The following DYNC2H1 variants were observed in gnomAD, a reference collection of about 807,000 sequenced individuals.
DYNC2H1 encodes the protein dynein cytoplasmic 2 heavy chain 1.
DYNC2H1 carries 410 observed loss-of-function variants against 570.0 expected under a neutral mutation model. The observed-to-expected ratio is 0.72, with a 90% CI of 0.66 to 0.78. DYNC2H1 has a LOEUF of 0.78. Ranked by LOEUF, DYNC2H1 falls within the 30% of genes least tolerant of loss-of-function variation. The pLI is 0.00. For missense variants in DYNC2H1, 4,865 were observed against 5,046.4 expected (o/e 0.96, Z 1.09); for synonymous variants, 1,688 against 1,677.6 (o/e 1.01, Z -0.15).
rs777040375 is a variant in DYNC2H1, at chr11:103,323,965, C to T, written c.12014C>T (p.Ser4005Leu). The T allele has an allele frequency of 3.1e-6, 5 of 1,611,696 alleles. No individual in the cohort carries two copies. Among genetic ancestry groups the T allele is most frequent in the Middle Eastern group, 1.7e-4 (1 of 6,052 alleles). The stretch of plus-strand genomic sequence containing the variant: ...GGTCTGCCTGCCAATATCGCTCGCT[C>T]ATCTCAGCGCATGATCAGTTCTCAG... ...FFGLPANIAR[S>L]SQRMISSQVI... Residue 4005 changes from serine to leucine, a missense_variant, in exon 82 of 89, where the codon TCA becomes TTA. This residue lies in a region of DYNC2H1 where 2,401 missense variants were observed against 2,454.6 expected (regional missense o/e 0.98). Coordinates refer to ENST00000375735, the MANE Select transcript of DYNC2H1 (RefSeq NM_001377.3).
rs1436039304 is a variant in DYNC2H1 at position 103,326,948 on chromosome 11, G to A, written c.12039+2958G>A. Among the ~76,000 whole-genome samples, 1 of 152,154 alleles carries A rather than the reference G, an allele frequency of 6.6e-6. No individual in the cohort carries two copies. The highest frequency in any genetic ancestry group is 1.9e-4 in the East Asian group (1 of 5,192). On this transcript the variant is annotated intron_variant, in intron 82 of 88. Coordinates refer to ENST00000375735, the MANE Select transcript of DYNC2H1 (RefSeq NM_001377.3). The surrounding 1 kb of genome is among the most constrained non-coding windows in gnomAD (Gnocchi z 6.1). ...AAGCACTGTTTCTGCCTAGTCTCCAGGCAGATCCTCCACCAGCTCACACAT... is the reference window on the plus strand; with the variant it reads ...AAGCACTGTTTCTGCCTAGTCTCCAAGCAGATCCTCCACCAGCTCACACAT...
chr11:103,174,951 TG>T (rs1175033143), intron 36 of DYNC2H1, among the ~76,000 whole-genome samples: 2 of 95,346 alleles, frequency 2.1e-5, no homozygotes, highest in Non-Finnish European at 4.1e-5. Flanking sequence ...TGGGGTGGGG[TG>T]GGGGGTAGTA....
intron 85 of DYNC2H1, among the ~76,000 whole-genome samples, chr11:103,443,379 T>C (rs1363465357): frequency 6.6e-6 from 1 of 152,054 alleles, no homozygotes; most frequent in African/African-American, 2.4e-5. Flanking sequence ...ATTGTTAATT[T>C]ATATGTTATC....
chr11:103,243,016 A>G lies in DYNC2H1; in HGVS notation c.9820-677A>G, dbSNP rs561251337. 6.6e-6 allele frequency among the ~76,000 whole-genome samples: 1 copy of G among 152,006 alleles called. No homozygotes were observed. Among genetic ancestry groups the G allele is most frequent in the South Asian group, 2.1e-4 (1 of 4,814 alleles). On this transcript the variant is annotated intron_variant, in intron 63 of 88. Coordinates refer to ENST00000375735, the MANE Select transcript of DYNC2H1 (RefSeq NM_001377.3). The surrounding 1 kb of genome is among the most constrained non-coding windows in gnomAD (Gnocchi z 4.8). ...CCGGGCCTGACTTCCTTTTTTTTAG[A>G]ATTTAATTAGTGCAGGATGTTCTAT... is the stretch of plus-strand genomic sequence containing the variant.
intron 59 of DYNC2H1, among the ~76,000 whole-genome samples, chr11:103,230,142 A>T (rs1351183266): frequency 6.6e-6 from 1 of 152,178 alleles, no homozygotes; most frequent in Non-Finnish European, 1.5e-5. Context: ...TCTAGAGTTC[A>T]GTGTTGCTTT....
In DYNC2H1 at chr11:103,289,921, C is replaced by T. The variant is rs557062199; in HGVS notation, c.11095+2316C>T. On this transcript the variant is annotated intron_variant, in intron 75 of 88. Coordinates refer to ENST00000375735, the MANE Select transcript of DYNC2H1 (RefSeq NM_001377.3). The surrounding 1 kb of genome is among the most constrained non-coding windows in gnomAD (Gnocchi z 4.2). ...GAAGACATCCATGTAAAGACAGACA[C>T]GCAAGGAGAGTATAATGTGATTATG... is the stretch of plus-strand genomic sequence containing the variant. Among the ~76,000 whole-genome samples the T allele has an allele frequency of 3.1e-4, 47 of 152,022 alleles. No homozygotes were observed. Among genetic ancestry groups the T allele is most frequent in the African/African-American group, 1.1e-3 (45 of 41,482 alleles).
At chr11:103,139,697 C>T (rs9877106) in intron 17 of DYNC2H1, among the ~76,000 whole-genome samples, 102,563 of 150,876 alleles carry the variant, frequency 0.68, 35,711 homozygotes, top group Admixed American at 0.77. Context: ...TTCTGTTGAT[C>T]TGGGGTGGAG....
Position 103,151,523 on chromosome 11 carries a change from C to T in DYNC2H1, c.2947-613C>T, listed in dbSNP as rs1328296324. On this transcript the variant is annotated intron_variant, in intron 20 of 88. Coordinates refer to ENST00000375735, the MANE Select transcript of DYNC2H1 (RefSeq NM_001377.3). The surrounding 1 kb of genome is among the most constrained non-coding windows in gnomAD (Gnocchi z 4.6). The stretch of plus-strand genomic sequence containing the variant: ...TTAATTATAGGATACTGTTGTTTTA[C>T]AGAGCTTTAAAAGCCTTAGAGGCAA... Among the ~76,000 whole-genome samples the T allele has an allele frequency of 2.6e-5, 4 of 152,116 alleles. No homozygotes were observed. The East Asian group carries it at 5.8e-4, about 22-fold the overall frequency.
At chr11:103,242,152 A>G (rs1370512612) in intron 63 of DYNC2H1, among the ~76,000 whole-genome samples, 2 of 152,228 alleles carry the variant, frequency 1.3e-5, no homozygotes, top group East Asian at 3.9e-4. Flanking sequence ...ACATTTTTAT[A>G]TAACACATAC....
At position 103,165,903 on chromosome 11, in the gene DYNC2H1, A is replaced by G. The variant is rs931664584; in HGVS notation, c.4617A>G (p.Leu1539=). The change falls in exon 31 of 89, where the codon TTA becomes TTG. Residue 1539 remains leucine, a synonymous_variant. Coordinates refer to ENST00000375735, the MANE Select transcript of DYNC2H1 (RefSeq NM_001377.3). ...VDPSLFPSQI[L]CLAEQIKFTE... is the part of the protein sequence containing the mutation. ...TTTTTCTCTTTATTCAATAGATTTTATGCTTGGCGGAGCAGATTAAATTCA... is the reference window on the plus strand; with the variant it reads ...TTTTTCTCTTTATTCAATAGATTTTGTGCTTGGCGGAGCAGATTAAATTCA... 22 of 1,476,890 alleles carry G rather than the reference A, an allele frequency of 1.5e-5. No homozygotes were observed. Among genetic ancestry groups the G allele is most frequent in the Middle Eastern group, 2.1e-4 (1 of 4,672 alleles). The allele number at this position is 1,476,890 out of a possible 1,614,324, so 91.5% of individuals were successfully genotyped here.
In DYNC2H1 at chr11:103,133,011, A is replaced by T. The variant is rs1591290422; in HGVS notation, c.1954-544A>T. On this transcript the variant is annotated intron_variant, in intron 13 of 88. Coordinates refer to ENST00000375735, the MANE Select transcript of DYNC2H1 (RefSeq NM_001377.3). The surrounding 1 kb of genome is among the most constrained non-coding windows in gnomAD (Gnocchi z 4.8). ...ATTGGAACACTGCATGCTTTTGCCAAGTAGGTGATGGAAGATCAGCTTTTT... is the reference window on the plus strand; with the variant it reads ...ATTGGAACACTGCATGCTTTTGCCATGTAGGTGATGGAAGATCAGCTTTTT... Among the ~76,000 whole-genome samples, 1 of 152,296 alleles carries T rather than the reference A, an allele frequency of 6.6e-6. No homozygotes were observed. Among genetic ancestry groups the T allele is most frequent in the Admixed American group, 6.5e-5 (1 of 15,302 alleles).
At chr11:103,375,349 G>A (rs954137526) in intron 83 of DYNC2H1, among the ~76,000 whole-genome samples, 1 of 152,170 alleles carries the variant, frequency 6.6e-6, no homozygotes, top group Non-Finnish European at 1.5e-5. Flanking sequence ...TGGGGTCATA[G>A]CCCCCACACA....
chr11:103,358,377 CT>C lies in DYNC2H1; in HGVS notation c.12156+20del. On this transcript the variant is annotated intron_variant, in intron 83 of 88. Transcript: ENST00000375735. ...TAAACCAGGTTAGTAGTGGAATATT[CT>C]TCTGATTCTTTTGCTTTTTCTCCCG... is the stretch of plus-strand genomic sequence containing the variant. 6.7e-7 allele frequency: 1 copy of C among 1,498,800 alleles called. No homozygotes were observed. 92.8% of individuals were successfully genotyped at this position (1,498,800 alleles called of 1,614,324 possible). A position where few individuals can be genotyped will look rare whatever the true frequency, so the allele number is the denominator to read the frequency against.
intron 12 of DYNC2H1, among the ~76,000 whole-genome samples, chr11:103,128,002 A>G (rs963337493): frequency 1.3e-5 from 2 of 152,238 alleles, no homozygotes; most frequent in Non-Finnish European, 2.9e-5. Flanking sequence ...ACATTTGAGA[A>G]GAGACATGAC....
intron 55 of DYNC2H1, among the ~76,000 whole-genome samples, chr11:103,216,355 C>T (rs1356563188): frequency 6.6e-6 from 1 of 152,106 alleles, no homozygotes; most frequent in Non-Finnish European, 1.5e-5. Context: ...CTCTGAGTTC[C>T]TTCTTTGCCC....
chr11:103,189,371 C>T lies in DYNC2H1; in HGVS notation c.7293-301C>T, dbSNP rs1378771331. On this transcript the variant is annotated intron_variant, in intron 44 of 88. Transcript: ENST00000375735. The surrounding 1 kb of genome is among the most constrained non-coding windows in gnomAD (Gnocchi z 4.3). ...ACAGACCTTATGTAACTCAAAAATG[C>T]TTTTCAAAAGTAAAATTTTCCTTTT... Among the ~76,000 whole-genome samples the T allele has an allele frequency of 6.6e-6, 1 of 152,026 alleles. No individual in the cohort carries two copies. Among genetic ancestry groups the T allele is most frequent in the African/African-American group, 2.4e-5 (1 of 41,390 alleles).
Position 103,362,339 on chromosome 11 carries a change from T to C in DYNC2H1, c.12156+3980T>C, listed in dbSNP as rs921699411. Among the ~76,000 whole-genome samples, 38 of 145,388 alleles carry C rather than the reference T, an allele frequency of 2.6e-4. 1 individual carries two copies. The highest frequency in any genetic ancestry group is 4.9e-4 in the Non-Finnish European group (32 of 65,946). On this transcript the variant is annotated intron_variant, in intron 83 of 88. Transcript: ENST00000375735. The stretch of plus-strand genomic sequence containing the variant: ...TTTTTTCTTTTTTTTTTTTCTTTTT[T>C]TTTTTTTTTTAGCTATAGGATCTTG...
Position 103,257,678 on chromosome 11 carries a change from A to C in DYNC2H1, c.10532A>C (p.Lys3511Thr), listed in dbSNP as rs772570923. The C allele has an allele frequency of 3.7e-6, 6 of 1,612,956 alleles. No homozygotes were observed. The highest frequency in any genetic ancestry group is 5.1e-6 in the Non-Finnish European group (6 of 1,179,416). Residue 3511 changes from lysine to threonine, a missense_variant, in exon 69 of 89, where the codon AAA becomes ACA. This residue lies in a region of DYNC2H1 where 2,401 missense variants were observed against 2,454.6 expected (regional missense o/e 0.98). Transcript: ENST00000375735. Reference protein sequence around the residue: ...KMYFIISDLSKINNMYRFSLA... With the variant: ...KMYFIISDLSTINNMYRFSLA... ...TACTTCATTATTTCTGATTTGTCCA[A>C]AATTAATAACATGTACCGTTTTAGT... is the stretch of plus-strand genomic sequence containing the variant.
intron 70 of DYNC2H1, among the ~76,000 whole-genome samples, chr11:103,276,678 T>C (rs1453153793): frequency 6.6e-6 from 1 of 152,154 alleles, no homozygotes; most frequent in Non-Finnish European, 1.5e-5. Flanking sequence ...TATGTTTTTA[T>C]AAACATCTTC....
Sources: gnomAD v4.1 joint callset for allele counts (sites outside exome capture counted in the v4.1 genomes callset) on GRCh38, gnomAD v4.1.1 for gene constraint, gnomAD v4.1.1 regional missense constraint, Gnocchi (gnomAD v3.1) non-coding constraint, MANE v1.5 for transcripts, NCBI Gene and HGNC (gene_info 2026-07-23, HGNC 2026-07-21) for gene names.